CALD1: variants seen among roughly 807,000 people sequenced by gnomAD.
CALD1 encodes caldesmon 1.
In CALD1, 33 loss-of-function variants were observed where a neutral mutation model predicts 99.9. That is an observed-to-expected ratio of 0.33 (90% CI 0.25 to 0.44). CALD1 has a LOEUF of 0.44. Ranked by LOEUF, CALD1 falls within the 20% of genes least tolerant of loss-of-function variation. CALD1 has a pLI of 1.00. For synonymous variants in CALD1, 310 were observed against 325.0 expected, an observed-to-expected ratio of 0.95 and a Z score of 0.50; for missense variants, 861 against 962.1, an observed-to-expected ratio of 0.89 and a Z score of 1.39.
At chr7:134,728,227 A>T in the CALD1 span, among the ~76,000 whole-genome samples, 1 of 152,136 alleles carries the variant, frequency 6.6e-6, no homozygotes, top group Non-Finnish European at 1.5e-5. Flanking sequence ...GACAAACTTC[A>T]GCTGAATTAA....
intron 3 of CALD1, among the ~76,000 whole-genome samples, chr7:134,909,668 G>T (rs910280391): frequency 6.6e-6 from 1 of 152,156 alleles, no homozygotes; most frequent in Admixed American, 6.5e-5. Flanking sequence ...GGGAGCCTGG[G>T]TGACAAGAGC....
In CALD1 at chr7:134,875,431, T is replaced by C. The variant is rs539582696; in HGVS notation, c.71+7627T>C. Reference sequence around the variant, plus strand: ...CAGGTGGATCACCTGAGGTCAGGAGTTCGAGACCAGCCTGGCCAACATGGT... The same window carrying C: ...CAGGTGGATCACCTGAGGTCAGGAGCTCGAGACCAGCCTGGCCAACATGGT... On this transcript the variant is annotated intron_variant, in intron 3 of 14. Coordinates refer to ENST00000361675, the MANE Select transcript of CALD1 (RefSeq NM_033138.4). Among the ~76,000 whole-genome samples, 16 of 152,258 alleles carry C rather than the reference T, an allele frequency of 1.1e-4. No individual in the cohort carries two copies. The South Asian group carries it at 2.1e-3, about 20-fold the overall frequency.
At chr7:134,942,098 CCT>C (rs1806493400) in intron 7 of CALD1, among the ~76,000 whole-genome samples, 1 of 152,210 alleles carries the variant, frequency 6.6e-6, no homozygotes, top group African/African-American at 2.4e-5. Flanking sequence ...CAAATTCCAA[CCT>C]CTGTTTTGTC....
At chr7:134,780,710 G>A (rs183930299) in intron 1 of CALD1, among the ~76,000 whole-genome samples, 1 of 152,176 alleles carries the variant, frequency 6.6e-6, no homozygotes, top group African/African-American at 2.4e-5. Context: ...GGCAATACAT[G>A]GTCAAAAAAA....
chr7:134,765,007 C>T (rs73724853), intron 1 of CALD1, among the ~76,000 whole-genome samples: 1,761 of 152,232 alleles, frequency 0.012, 35 homozygotes, highest in African/African-American at 0.037. Context: ...TGAGTAAGTG[C>T]ATTAATTTGC....
At chr7:134,908,255 A>G (rs1803549305) in intron 3 of CALD1, among the ~76,000 whole-genome samples, 1 of 152,202 alleles carries the variant, frequency 6.6e-6, no homozygotes, top group East Asian at 1.9e-4. Context: ...TATTTAACAC[A>G]TGTTTAAAAA....
chr7:134,937,460 A>C (rs375574966), intron 6 of CALD1, among the ~76,000 whole-genome samples: 9 of 152,262 alleles, frequency 5.9e-5, no homozygotes, highest in African/African-American at 2.2e-4. Flanking sequence ...AAAAAAAGAA[A>C]ACAACCCCAA....
At chr7:134,855,475 T>C (rs892879392) in intron 2 of CALD1, among the ~76,000 whole-genome samples, 2 of 152,240 alleles carry the variant, frequency 1.3e-5, no homozygotes, top group Non-Finnish European at 2.9e-5. Context: ...CTTTGTATAC[T>C]TGAAAACATT....
intron 1 of CALD1, among the ~76,000 whole-genome samples, chr7:134,745,087 C>T (rs1796623612): frequency 6.6e-6 from 1 of 152,194 alleles, no homozygotes; most frequent in Non-Finnish European, 1.5e-5. Flanking sequence ...CTTATAGGCA[C>T]ACAATAAGTG....
intron 1 of CALD1, among the ~76,000 whole-genome samples, chr7:134,802,779 C>T (rs994969682): frequency 6.6e-6 from 1 of 152,204 alleles, no homozygotes; most frequent in African/African-American, 2.4e-5. Flanking sequence ...TTGAAGTACA[C>T]TGAAATTGCA....
At chr7:134,812,940 G>T (rs1026173299) in intron 1 of CALD1, among the ~76,000 whole-genome samples, 1 of 152,164 alleles carries the variant, frequency 6.6e-6, no homozygotes, top group Non-Finnish European at 1.5e-5. Flanking sequence ...ACATTTAAAG[G>T]TCAGAGTAAA....
chr7:134,958,174 C>G (rs1222541393), intron 10 of CALD1, 35 bp from the exon 11 acceptor site: 1 of 1,610,018 alleles, frequency 6.2e-7, no homozygotes, highest in East Asian at 2.2e-5. Context: ...AAGATTCTCT[C>G]TCATATTTTT....
At chr7:134,964,335 C>T (rs1025011042) in intron 13 of CALD1, among the ~76,000 whole-genome samples, 1 of 152,140 alleles carries the variant, frequency 6.6e-6, no homozygotes, top group African/African-American at 2.4e-5. Context: ...GAAGGCAGTC[C>T]TCACAGAAGG....
At chr7:134,915,342 C>A (rs1310051491) in intron 3 of CALD1, among the ~76,000 whole-genome samples, 3 of 152,212 alleles carry the variant, frequency 2.0e-5, no homozygotes, top group Non-Finnish European at 4.4e-5. Flanking sequence ...TAAGTCAGTG[C>A]CAGTGCTGTC....
At chr7:134,777,707 CG>C (rs1796935429), upstream of CALD1, among the ~76,000 whole-genome samples, 2 of 152,266 alleles carry the variant, frequency 1.3e-5, no homozygotes, top group South Asian at 4.1e-4. Flanking sequence ...ATCATGCACC[CG>C]GAACGTCTCT....
intron 1 of CALD1, among the ~76,000 whole-genome samples, chr7:134,791,756 T>C (rs1475219687): frequency 1.3e-5 from 2 of 152,202 alleles, no homozygotes; most frequent in Non-Finnish European, 2.9e-5. Context: ...GAGTACTAGT[T>C]TATTAGGCAT....
chr7:134,792,902 C>T (rs1797600003), intron 1 of CALD1, among the ~76,000 whole-genome samples: 1 of 152,206 alleles, frequency 6.6e-6, no homozygotes, highest in Admixed American at 6.5e-5. Flanking sequence ...AATCCCTTGG[C>T]CTTTTGAATT....
rs554452251 is a variant in CALD1, at chr7:134,965,802, TG to T, written c.2376+417del. The stretch of plus-strand genomic sequence containing the variant: ...GAACCATTTTAGATTACATTGCCAC[TG>T]CCAGCAGCCTAAGACTCAGGGTTGC... On this transcript the variant is annotated intron_variant, in intron 14 of 14. Coordinates refer to ENST00000361675, the MANE Select transcript of CALD1 (RefSeq NM_033138.4). Among the ~76,000 whole-genome samples, 19 of 147,260 alleles carry T rather than the reference TG, an allele frequency of 1.3e-4. No individual in the cohort carries two copies. The South Asian group carries it at 4.1e-3, about 32-fold the overall frequency.
At chr7:134,937,550 G>T (rs1806078780) in intron 6 of CALD1, among the ~76,000 whole-genome samples, 1 of 147,454 alleles carries the variant, frequency 6.8e-6, no homozygotes. Context: ...TAGTTGTGTT[G>T]TTTCTTTATG....
Sources: allele counts gnomAD v4.1 joint callset (sites outside exome capture counted in the v4.1 genomes callset), GRCh38; gene constraint gnomAD v4.1.1; transcripts MANE v1.5; gene names NCBI Gene and HGNC (gene_info 2026-07-23, HGNC 2026-07-21).